PPP1CB: variants seen among roughly 807,000 people sequenced by gnomAD.
PPP1CB encodes the protein protein phosphatase 1 catalytic subunit beta.
In PPP1CB, 2 loss-of-function variants were observed where a neutral mutation model predicts 43.7. That is an observed-to-expected ratio of 0.05 (90% CI 0.02 to 0.14). PPP1CB has a LOEUF of 0.14. PPP1CB is among the 10% of genes least tolerant of loss of function. The pLI is 1.00. For missense variants in PPP1CB, 84 were observed against 398.0 expected, an observed-to-expected ratio of 0.21 and a Z score of 6.71; for synonymous variants, 136 against 135.6, an observed-to-expected ratio of 1.00 and a Z score of -0.02.
chr2:28,754,325 G>T (rs879611797), intron 1 of PPP1CB, among the ~76,000 whole-genome samples: 2 of 64,744 alleles, frequency 3.1e-5, no homozygotes, highest in East Asian at 8.5e-4. Flanking sequence ...TGTACAATCT[G>T]TTTTCCTTTT....
intron 1 of PPP1CB, among the ~76,000 whole-genome samples, chr2:28,761,308 T>C (rs951835941): frequency 6.6e-6 from 1 of 152,194 alleles, no homozygotes; most frequent in Non-Finnish European, 1.5e-5. Context: ...ACTACTAGAA[T>C]TATGTGAATC....
At chr2:28,792,534 T>G (rs1187797118) in intron 6 of PPP1CB, among the ~76,000 whole-genome samples, 1 of 151,886 alleles carries the variant, frequency 6.6e-6, no homozygotes. Context: ...CACAAGCACA[T>G]ACACAGAGAA....
chr2:28,751,664 A>C (rs147139861), upstream of PPP1CB: 2,267 of 184,138 alleles, frequency 0.012, 47 homozygotes, highest in African/African-American at 0.04. Flanking sequence ...CGGCAGCGGG[A>C]GAAGCCGCTC....
intron 1 of PPP1CB, among the ~76,000 whole-genome samples, chr2:28,774,046 G>A (rs1035405471): frequency 2.0e-5 from 3 of 152,132 alleles, no homozygotes; most frequent in African/African-American, 7.2e-5. Context: ...TGTGTTTTTG[G>A]TAAATTTTTA....
chr2:28,766,132 TA>T (rs1467608459), intron 1 of PPP1CB, among the ~76,000 whole-genome samples: 2 of 152,222 alleles, frequency 1.3e-5, no homozygotes, highest in Non-Finnish European at 2.9e-5. Context: ...ATTTAATTTC[TA>T]AAACTCTTCT....
intron 4 of PPP1CB, chr2:28,782,386 A>G (rs758086710): frequency 6.4e-6 from 1 of 156,720 alleles, no homozygotes; most frequent in Non-Finnish European, 1.4e-5. Flanking sequence ...TAGCTAGTAG[A>G]TAGTGTATGA....
At chr2:28,789,909 T>C (rs559662941) in intron 6 of PPP1CB, among the ~76,000 whole-genome samples, 2 of 152,212 alleles carry the variant, frequency 1.3e-5, no homozygotes, top group East Asian at 3.9e-4. Flanking sequence ...AGCCTCATTT[T>C]TATATAATCT....
At chr2:28,760,348 AG>A (rs1323771406) in intron 1 of PPP1CB, among the ~76,000 whole-genome samples, 3 of 152,252 alleles carry the variant, frequency 2.0e-5, no homozygotes, top group Non-Finnish European at 4.4e-5. Context: ...TCTTGAAGAA[AG>A]AAAAATATTT....
At chr2:28,789,450 A>T (rs1211014344) in intron 6 of PPP1CB, among the ~76,000 whole-genome samples, 2 of 152,040 alleles carry the variant, frequency 1.3e-5, no homozygotes, top group Non-Finnish European at 2.9e-5. Flanking sequence ...TCAAGGCTGC[A>T]GTGAGCCATG....
At chr2:28,771,627 T>TG (rs1325218186) in intron 1 of PPP1CB, among the ~76,000 whole-genome samples, 1 of 152,044 alleles carries the variant, frequency 6.6e-6, no homozygotes, top group African/African-American at 2.4e-5. Flanking sequence ...TGCGGTTCAG[T>TG]GGGGAAAAGG....
At chr2:28,761,206 G>A (rs894482239) in intron 1 of PPP1CB, among the ~76,000 whole-genome samples, 2 of 152,094 alleles carry the variant, frequency 1.3e-5, no homozygotes, top group Non-Finnish European at 2.9e-5. Context: ...AGACTTCTGA[G>A]GGGGAGAAAC....
chr2:28,774,572 C>T (rs1384372764), intron 1 of PPP1CB, among the ~76,000 whole-genome samples: 1 of 152,026 alleles, frequency 6.6e-6, no homozygotes, highest in Non-Finnish European at 1.5e-5. Flanking sequence ...ATTACAGGCA[C>T]CCGCCACCAC....
At chr2:28,768,282 C>T (rs142570485) in intron 1 of PPP1CB, among the ~76,000 whole-genome samples, 7 of 152,110 alleles carry the variant, frequency 4.6e-5, no homozygotes, top group South Asian at 4.2e-4. Context: ...TAAAAAGTGA[C>T]GGTCTCACTG....
chr2:28,783,490 G>T (rs926714242), intron 4 of PPP1CB, among the ~76,000 whole-genome samples: 2 of 152,180 alleles, frequency 1.3e-5, no homozygotes, highest in African/African-American at 2.4e-5. Context: ...GGGCGCGGTG[G>T]CCCACGCCTG....
At chr2:28,767,021 C>T (rs6752464) in intron 1 of PPP1CB, among the ~76,000 whole-genome samples, 62,241 of 151,028 alleles carry the variant, frequency 0.41, 13,720 homozygotes, top group Middle Eastern at 0.51. Flanking sequence ...GCAGAGCTTG[C>T]AGTGAGCCGA....
rs113920433 is a variant in PPP1CB at position 28,762,353 on chromosome 2, G to A, written c.52+10177G>A. On this transcript the variant is annotated intron_variant, in intron 1 of 7. Coordinates refer to ENST00000395366, the MANE Select transcript of PPP1CB (RefSeq NM_002709.3). ...ACATTTTAGCATAAATGTTTTTTAT[G>A]AAGATAACTTTTCTAAAGCAAAAAT... 5.4e-3 allele frequency among the ~76,000 whole-genome samples: 820 copies of A among 152,292 alleles called. 10 individuals are homozygous for A. The highest frequency in any genetic ancestry group is 0.019 in the African/African-American group (781 of 41,558).
chr2:28,773,485 C>T (rs1230046081), intron 1 of PPP1CB, among the ~76,000 whole-genome samples: 1 of 152,140 alleles, frequency 6.6e-6, no homozygotes, highest in African/African-American at 2.4e-5. Context: ...TTTTCAGTTC[C>T]TGGGGTGTGA....
At chr2:28,753,316 A>G (rs1169237509) in intron 1 of PPP1CB, among the ~76,000 whole-genome samples, 1 of 152,226 alleles carries the variant, frequency 6.6e-6, no homozygotes, top group Non-Finnish European at 1.5e-5. Context: ...TATTTGGAAA[A>G]TCATCAAAGA....
chr2:28,784,109 A>G (rs1471749538), intron 5 of PPP1CB, 131 bp downstream of exon 5: 2 of 597,034 alleles, frequency 3.3e-6, no homozygotes, highest in African/African-American at 3.7e-5. Flanking sequence ...TAAGCCAGCT[A>G]CAGATTACTT....
Sources: gnomAD v4.1 joint callset for allele counts (sites outside exome capture counted in the v4.1 genomes callset) on GRCh38, gnomAD v4.1.1 for gene constraint, MANE v1.5 for transcripts, NCBI Gene and HGNC (gene_info 2026-07-23, HGNC 2026-07-21) for gene names.